ANKRD30B: variants seen among roughly 807,000 people sequenced by gnomAD.
ANKRD30B encodes the protein ankyrin repeat domain-containing protein 30B.
Under a neutral mutation model 202.2 loss-of-function variants are expected in ANKRD30B, and 144 were observed. The observed-to-expected ratio is 0.71, with a 90% CI of 0.62 to 0.82. The LOEUF is 0.82. Ranked by LOEUF, ANKRD30B falls within the 40% of genes least tolerant of loss-of-function variation. The pLI, the probability that ANKRD30B is intolerant of heterozygous loss-of-function variation, is 0.00. For missense variants in ANKRD30B, 1,487 were observed against 1,669.1 expected (o/e 0.89, Z 1.90); for synonymous variants, 508 against 561.3 (o/e 0.91, Z 1.34).
At chr18:14,774,426 C>T (rs1298287935) in intron 9 of ANKRD30B, among the ~76,000 whole-genome samples, 2 of 152,190 alleles carry the variant, frequency 1.3e-5, no homozygotes, top group Non-Finnish European at 2.9e-5. Flanking sequence ...TCAGTGTCTG[C>T]TTTTTAGAGC....
chr18:14,903,827 T>C, the ANKRD30B span: 1 of 152,364 alleles, frequency 6.6e-6, no homozygotes, highest in South Asian at 2.1e-4. Context: ...GAGCTATTGC[T>C]CCACCACAGA....
chr18:14,929,064 A>G, the ANKRD30B span, among the ~76,000 whole-genome samples: 1 of 152,188 alleles, frequency 6.6e-6, no homozygotes, highest in African/African-American at 2.4e-5. Context: ...TCAGCAGCCT[A>G]CCAGAACACA....
the ANKRD30B span, among the ~76,000 whole-genome samples, chr18:14,940,092 T>A: frequency 1.3e-5 from 2 of 152,192 alleles, no homozygotes; most frequent in African/African-American, 4.8e-5. Context: ...CACCGATGGA[T>A]TTTATTTTTA....
intron 4 of ANKRD30B, among the ~76,000 whole-genome samples, chr18:14,756,345 T>C (rs972192605): frequency 2.0e-5 from 3 of 152,170 alleles, no homozygotes; most frequent in African/African-American, 7.2e-5. Flanking sequence ...TTTCTCCCAT[T>C]CTGTAGGTTG....
At chr18:14,835,814 C>A (rs1250555124) in intron 34 of ANKRD30B, among the ~76,000 whole-genome samples, 2 of 151,684 alleles carry the variant, frequency 1.3e-5, no homozygotes, top group African/African-American at 4.8e-5. Flanking sequence ...CTTAAAAATG[C>A]CTTATAATTC....
Position 14,840,574 on chromosome 18 carries a change from A to G in ANKRD30B, c.2989-14A>G, listed in dbSNP as rs1466503894. The G allele has an allele frequency of 1.6e-6, 2 of 1,213,170 alleles. No individual in the cohort carries two copies. Among genetic ancestry groups the G allele is most frequent in the Non-Finnish European group, 2.2e-6 (2 of 923,858 alleles). The allele number at this position is 1,213,170 out of a possible 1,614,324, so 75.2% of individuals were successfully genotyped here. A position where few individuals can be genotyped will look rare whatever the true frequency, so the allele number is the denominator to read the frequency against. On this transcript the variant is annotated splice_polypyrimidine_tract_variant and intron_variant, in intron 36 of 43. Coordinates refer to ENST00000690538, the MANE Select transcript of ANKRD30B (RefSeq NM_001367607.2). Reference sequence around the variant, plus strand: ...GTAAAAAAAGAAATTATTTATTAATATTATCTTTAACAGATTATCTCTGTG... The same window carrying G: ...GTAAAAAAAGAAATTATTTATTAATGTTATCTTTAACAGATTATCTCTGTG...
chr18:14,904,211 A>G, the ANKRD30B span, among the ~76,000 whole-genome samples: 1 of 152,210 alleles, frequency 6.6e-6, no homozygotes, highest in African/African-American at 2.4e-5. Context: ...GTTTCTATGC[A>G]TAATTATCCC....
chr18:14,892,965 T>C, the ANKRD30B span, among the ~76,000 whole-genome samples: 38 of 152,072 alleles, frequency 2.5e-4, 1 homozygote, highest in Admixed American at 2.5e-3. Flanking sequence ...ACATTTTTAA[T>C]CTTATCCCTC....
At chr18:14,844,893 G>A (rs1971569718) in intron 39 of ANKRD30B, among the ~76,000 whole-genome samples, 2 of 151,982 alleles carry the variant, frequency 1.3e-5, no homozygotes, top group Non-Finnish European at 2.9e-5. Flanking sequence ...CTTTTCAGAA[G>A]TGTCTGTTCA....
intron 7 of ANKRD30B, among the ~76,000 whole-genome samples, chr18:14,765,747 C>CT (rs35586663): frequency 6.3e-4 from 95 of 151,200 alleles, no homozygotes; most frequent in East Asian, 1.8e-3. Flanking sequence ...ATGCTATAGT[C>CT]TTTTTTTTTG....
chr18:14,786,268 C>T (rs928417509), intron 14 of ANKRD30B, among the ~76,000 whole-genome samples: 3 of 152,060 alleles, frequency 2.0e-5, no homozygotes, highest in Non-Finnish European at 2.9e-5. Flanking sequence ...CTGAGAACTC[C>T]TCAAGTCTTG....
chr18:14,916,866 A>C, the ANKRD30B span, among the ~76,000 whole-genome samples: 4 of 151,970 alleles, frequency 2.6e-5, no homozygotes, highest in Non-Finnish European at 5.9e-5. Flanking sequence ...TGTCATTCCC[A>C]CTTGGTAGTT....
chr18:14,788,641 G>C (rs950743214), intron 15 of ANKRD30B, among the ~76,000 whole-genome samples: 1 of 151,664 alleles, frequency 6.6e-6, no homozygotes, highest in Non-Finnish European at 1.5e-5. Context: ...GAGAATATGC[G>C]GTGTTTGGTT....
intron 7 of ANKRD30B, among the ~76,000 whole-genome samples, chr18:14,766,923 T>C (rs1916323764): frequency 6.6e-6 from 1 of 152,206 alleles, no homozygotes; most frequent in African/African-American, 2.4e-5. Context: ...TAGATTTAAC[T>C]TACAAGTTCT....
At chr18:14,919,170 G>C in the ANKRD30B span, among the ~76,000 whole-genome samples, 1 of 152,228 alleles carries the variant, frequency 6.6e-6, no homozygotes, top group East Asian at 1.9e-4. Flanking sequence ...TAGGTTATAA[G>C]GGATTAGGGC....
In ANKRD30B at chr18:14,752,238, C is replaced by T. The variant is rs182071594; in HGVS notation, c.222-328C>T. ...ATCACAGTGATGTCCTGTGAGATAA[C>T]GGCTGTATTCATCTCCATTTTATTG... On this transcript the variant is annotated intron_variant, in intron 1 of 43. Transcript: ENST00000690538. Among the ~76,000 whole-genome samples, 403 of 152,198 alleles carry T rather than the reference C, an allele frequency of 2.6e-3. 5 individuals are homozygous for T. The highest frequency in any genetic ancestry group is 9.5e-3 in the African/African-American group (393 of 41,520).
rs1458391821 is a variant in ANKRD30B, at chr18:14,760,564, C to T, written c.766C>T (p.Gln256Ter). ...AACGVNYIHQ[Q>*]LLEHIRKLPK... ...CATTTTTATACATAGCATTCATCAA[C>T]AACTTTTGGAACATATACGAAAATT... The change falls in exon 6 of 44, where the codon CAA (glutamine) becomes TAA (stop). Residue 256 changes from glutamine (Q) to a stop codon, truncating the protein, a stop_gained. Transcript: ENST00000690538. LOFTEE classifies it high-confidence loss of function. 2 of 1,510,842 alleles carry T rather than the reference C, an allele frequency of 1.3e-6. No homozygotes were observed. Among genetic ancestry groups the T allele is most frequent in the South Asian group, 2.5e-5 (2 of 78,832 alleles). 93.6% of individuals were successfully genotyped at this position (1,510,842 alleles called of 1,614,324 possible).
At chr18:14,835,885 G>A (rs1598701322) in intron 34 of ANKRD30B, among the ~76,000 whole-genome samples, 1 of 151,814 alleles carries the variant, frequency 6.6e-6, no homozygotes, top group African/African-American at 2.4e-5. Context: ...AGGTCATTTT[G>A]CAGAATCTTG....
the ANKRD30B span, chr18:14,883,422 TATATCTATATATATC>T: frequency 1.0e-4 from 2 of 20,092 alleles, no homozygotes; most frequent in African/African-American, 2.7e-4. Context: ...TATATATATA[TATATCTATATATATC>T]TCCTGTTCTG....
Sources: allele counts gnomAD v4.1 joint callset (sites outside exome capture counted in the v4.1 genomes callset), GRCh38; gene constraint gnomAD v4.1.1; transcripts MANE v1.5; gene names NCBI Gene and HGNC (gene_info 2026-07-23, HGNC 2026-07-21).